Variants in PSMG2 observed in about 807,000 individuals in gnomAD.
PSMG2 encodes CD40 ligand-activated specific transcript 3.
A neutral mutation model predicts 31.5 loss-of-function variants in PSMG2; 21 were observed. The observed-to-expected ratio is 0.67, with a 90% confidence interval of 0.47 to 0.96. The LOEUF is 0.96. Among genes scored for constraint, PSMG2 ranks in the 40% least tolerant of loss-of-function variants. The pLI is 0.00. For missense variants in PSMG2, 318 were observed against 321.2 expected (o/e 0.99, Z 0.08); for synonymous variants, 120 against 110.4 (o/e 1.09, Z -0.54).
At chr18:12,659,101 C>A (rs1209103301) in intron 1 of PSMG2, among the ~76,000 whole-genome samples, 3 of 152,120 alleles carry the variant, frequency 2.0e-5, no homozygotes, top group Non-Finnish European at 2.9e-5. Flanking sequence ...TTAATTTAAT[C>A]GATAAAATTC....
chr18:12,673,325 C>A, intron 1 of PSMG2: 1 of 1,564,344 alleles, frequency 6.4e-7, no homozygotes, highest in African/African-American at 1.4e-5. Flanking sequence ...GTGTAAAATT[C>A]CAATTAAACA....
At chr18:12,699,003 GT>G, upstream of PSMG2, 1 of 1,612,862 alleles carries the variant, frequency 6.2e-7, no homozygotes, top group South Asian at 1.1e-5. Flanking sequence ...TGTACTTCAA[GT>G]AAAAAGCCAT....
At chr18:12,693,580 C>A (rs988459443) in intron 1 of PSMG2, among the ~76,000 whole-genome samples, 3 of 152,038 alleles carry the variant, frequency 2.0e-5, no homozygotes, top group Non-Finnish European at 4.4e-5. Flanking sequence ...GTCAAGAGAT[C>A]GAGACCATCC....
chr18:12,684,027 A>C (rs1468399258), intron 1 of PSMG2, among the ~76,000 whole-genome samples: 1 of 150,526 alleles, frequency 6.6e-6, no homozygotes, highest in Non-Finnish European at 1.5e-5. Context: ...TATCATATAT[A>C]TATGTATTTT....
chr18:12,674,257 G>A (rs984980677), intron 1 of PSMG2, among the ~76,000 whole-genome samples: 2 of 151,820 alleles, frequency 1.3e-5, no homozygotes, highest in Non-Finnish European at 2.9e-5. Flanking sequence ...GGCAACATAG[G>A]AAGACCCCCA....
chr18:12,711,672 C>G (rs1028080471), intron 2 of PSMG2, among the ~76,000 whole-genome samples: 12 of 151,854 alleles, frequency 7.9e-5, no homozygotes, highest in African/African-American at 2.4e-4. Context: ...TTTATGGTAA[C>G]CAACACTTAC....
chr18:12,688,579 A>G (rs1440294553), intron 1 of PSMG2, among the ~76,000 whole-genome samples: 1 of 152,186 alleles, frequency 6.6e-6, no homozygotes, highest in Non-Finnish European at 1.5e-5. Flanking sequence ...TATTACAGCA[A>G]TATTCTAATA....
upstream of PSMG2, among the ~76,000 whole-genome samples, chr18:12,701,844 A>T (rs931010854): frequency 6.6e-6 from 1 of 152,222 alleles, no homozygotes; most frequent in African/African-American, 2.4e-5. Context: ...AGAAACCCTG[A>T]TATCTGCCGG....
At chr18:12,689,764 T>TTATA (rs146278847) in intron 1 of PSMG2, among the ~76,000 whole-genome samples, 36 of 150,916 alleles carry the variant, frequency 2.4e-4, no homozygotes, top group Middle Eastern at 3.4e-3. Flanking sequence ...GGGAGCCAGT[T>TTATA]TATATATATA....
chr18:12,682,430 C>A (rs954126424), intron 1 of PSMG2, among the ~76,000 whole-genome samples: 7 of 152,114 alleles, frequency 4.6e-5, no homozygotes, highest in Non-Finnish European at 7.3e-5. Context: ...CTCAAGCAAT[C>A]CGCTTGCCTC....
chr18:12,710,540 T>TA (rs2040319558), intron 2 of PSMG2, among the ~76,000 whole-genome samples: 1 of 152,200 alleles, frequency 6.6e-6, no homozygotes, highest in Non-Finnish European at 1.5e-5. Context: ...CAGTCCCTTT[T>TA]TTTTCATCAC....
At chr18:12,712,552 T>C (rs2040341371) in intron 2 of PSMG2, 150 bp from the exon 3 acceptor site, 1 of 558,234 alleles carries the variant, frequency 1.8e-6, no homozygotes, top group South Asian at 2.8e-5. Flanking sequence ...AAAGGTCTTA[T>C]TTTAACCAGA....
chr18:12,671,556 CTTTTTAAAGTTTACTT>C (rs932298758), intron 1 of PSMG2, among the ~76,000 whole-genome samples: 53 of 149,508 alleles, frequency 3.5e-4, no homozygotes, highest in Admixed American at 4.0e-4. Context: ...AATTGCTACT[CTTTTTAAAGTTTACTT>C]TTGTTCACTT....
intron 1 of PSMG2, among the ~76,000 whole-genome samples, chr18:12,690,674 C>T (rs1243087335): frequency 6.6e-6 from 1 of 152,122 alleles, no homozygotes; most frequent in Non-Finnish European, 1.5e-5. Context: ...CCAGGATGGT[C>T]TCGATCTCCT....
upstream of PSMG2, among the ~76,000 whole-genome samples, chr18:12,700,641 G>A (rs1033332501): frequency 6.6e-6 from 1 of 152,070 alleles, no homozygotes; most frequent in African/African-American, 2.4e-5. Flanking sequence ...AGATCATAAT[G>A]AAAAAGAACT....
intron 3 of PSMG2, among the ~76,000 whole-genome samples, chr18:12,713,243 C>G (rs1457377842): frequency 6.6e-6 from 1 of 152,144 alleles, no homozygotes; most frequent in Non-Finnish European, 1.5e-5. Context: ...TAAACGTACA[C>G]CACATCACTA....
At chr18:12,708,366 CTT>C (rs1339911703) in intron 2 of PSMG2, among the ~76,000 whole-genome samples, 2 of 145,596 alleles carry the variant, frequency 1.4e-5, no homozygotes, top group African/African-American at 2.5e-5. Flanking sequence ...ATGCCATGTA[CTT>C]TTTTTTTTTT....
chr18:12,706,700 G>C lies in PSMG2; in HGVS notation c.208G>C (p.Glu70Gln), dbSNP rs2040272553. 1 of 1,608,514 alleles carries C rather than the reference G, an allele frequency of 6.2e-7. No individual in the cohort carries two copies. Among genetic ancestry groups the C allele is most frequent in the Non-Finnish European group, 8.5e-7 (1 of 1,176,050 alleles). ...TGCGACCACAGAAGGAAATTCAACA[G>C]AACTTAGCATAAATGCTGAAGGTAT... ...PYATTEGNST[E>Q]LSINAEVYSL... The change falls in exon 2 of 7, where the codon GAA becomes CAA. Residue 70 changes from glutamate to glutamine, a missense_variant. Coordinates refer to ENST00000317615, the MANE Select transcript of PSMG2 (RefSeq NM_020232.5).
chr18:12,686,635 T>G, intron 1 of PSMG2: 1 of 452,050 alleles, frequency 2.2e-6, no homozygotes, highest in Non-Finnish European at 4.0e-6. Context: ...TCCGTTATTT[T>G]CATTTTATAG....
Sources: gnomAD v4.1 joint callset for allele counts (sites outside exome capture counted in the v4.1 genomes callset) on GRCh38, gnomAD v4.1.1 for gene constraint, MANE v1.5 for transcripts, NCBI Gene and HGNC (gene_info 2026-07-23, HGNC 2026-07-21) for gene names.